AGBL4: variants seen among roughly 807,000 people sequenced by gnomAD.
The protein encoded by AGBL4 is cytosolic carboxypeptidase 6.
In AGBL4, 58 loss-of-function variants were observed where a neutral mutation model predicts 66.4. The observed-to-expected ratio is 0.87, with a 90% confidence interval of 0.71 to 1.09. The LOEUF is 1.09. AGBL4 is among the 50% of genes least tolerant of loss of function. The pLI is 0.00. For synonymous variants in AGBL4, 234 were observed against 222.9 expected (o/e 1.05, Z -0.44); for missense variants, 579 against 631.0 (o/e 0.92, Z 0.88).
At chr1:49,998,772 GTTTAACA>G (rs1572034915) in intron 1 of AGBL4, among the ~76,000 whole-genome samples, 1 of 152,140 alleles carries the variant, frequency 6.6e-6, no homozygotes, top group African/African-American at 2.4e-5. Context: ...TGCAGGGATG[GTTTAACA>G]TATGCAAGTC....
At chr1:49,507,328 G>C (rs955597222) in intron 3 of AGBL4, among the ~76,000 whole-genome samples, 4 of 151,928 alleles carry the variant, frequency 2.6e-5, no homozygotes, top group Admixed American at 6.6e-5. Flanking sequence ...CCACAAGAGA[G>C]AGCCAAATTG....
intron 3 of AGBL4, among the ~76,000 whole-genome samples, chr1:49,333,881 C>A (rs1300845211): frequency 1.3e-5 from 2 of 152,096 alleles, no homozygotes; most frequent in African/African-American, 4.8e-5. Context: ...ATTTATAAAA[C>A]CCTATCATAA....
intron 3 of AGBL4, among the ~76,000 whole-genome samples, chr1:49,341,687 T>C (rs7545634): frequency 0.017 from 2,554 of 152,266 alleles, 78 homozygotes; most frequent in African/African-American, 0.059. Context: ...TGCAGGATCA[T>C]AGGACGTGAG....
chr1:48,612,527 C>G (rs560810852), intron 9 of AGBL4, among the ~76,000 whole-genome samples: 2 of 152,212 alleles, frequency 1.3e-5, no homozygotes, highest in Non-Finnish European at 2.9e-5. Flanking sequence ...TACAGTCTTA[C>G]AGCCAAGGCC....
chr1:49,183,996 G>A (rs2148191763), intron 4 of AGBL4, among the ~76,000 whole-genome samples: 1 of 152,176 alleles, frequency 6.6e-6, no homozygotes, highest in East Asian at 1.9e-4. Flanking sequence ...TGAAACTGAG[G>A]CCCAGAAAGG....
chr1:49,303,845 C>T (rs1017598306), intron 3 of AGBL4, among the ~76,000 whole-genome samples: 11 of 151,822 alleles, frequency 7.2e-5, no homozygotes, highest in East Asian at 3.9e-4. Context: ...GGTTTTTTCT[C>T]GTAAATTTAA....
At chr1:48,758,828 C>A (rs1644093224) in intron 6 of AGBL4, 1 of 1,362,480 alleles carries the variant, frequency 7.3e-7, no homozygotes, top group Non-Finnish European at 9.8e-7. Flanking sequence ...CTCCCCTTTC[C>A]CTTCCTGGAA....
chr1:48,722,211 C>T (rs1229471962), intron 6 of AGBL4, among the ~76,000 whole-genome samples: 3 of 152,100 alleles, frequency 2.0e-5, no homozygotes, highest in South Asian at 2.1e-4. Flanking sequence ...AAGAAGATCT[C>T]GACCAGCTGA....
intron 2 of AGBL4, among the ~76,000 whole-genome samples, chr1:49,783,283 A>G (rs1478088171): frequency 6.6e-6 from 1 of 152,214 alleles, no homozygotes; most frequent in Non-Finnish European, 1.5e-5. Flanking sequence ...ATCATTAACA[A>G]AACACTAGCA....
At chr1:49,590,523 G>C (rs565405977) in intron 3 of AGBL4, among the ~76,000 whole-genome samples, 3 of 151,900 alleles carry the variant, frequency 2.0e-5, no homozygotes, top group Non-Finnish European at 4.4e-5. Context: ...GTTGTCTCGA[G>C]GTAGAAAACA....
intron 1 of AGBL4, among the ~76,000 whole-genome samples, chr1:49,940,814 C>T (rs899926360): frequency 6.6e-6 from 1 of 151,752 alleles, no homozygotes; most frequent in Non-Finnish European, 1.5e-5. Context: ...AACTAACCTG[C>T]ACATTGTGCA....
intron 3 of AGBL4, among the ~76,000 whole-genome samples, chr1:49,329,444 T>C (rs1041124227): frequency 6.6e-6 from 1 of 152,068 alleles, no homozygotes; most frequent in African/African-American, 2.4e-5. Context: ...GGCGGGTGGA[T>C]TGCTTGAGAT....
intron 8 of AGBL4, among the ~76,000 whole-genome samples, chr1:48,636,010 T>G (rs964461874): frequency 1.3e-5 from 2 of 152,234 alleles, no homozygotes; most frequent in Non-Finnish European, 2.9e-5. Flanking sequence ...CCCCCATAAT[T>G]CATTTAGCAT....
intron 4 of AGBL4, among the ~76,000 whole-genome samples, chr1:49,129,721 C>T (rs1267803908): frequency 6.6e-6 from 1 of 152,090 alleles, no homozygotes; most frequent in Non-Finnish European, 1.5e-5. Flanking sequence ...CATTGTTGGA[C>T]ATTTGGGTTG....
At chr1:48,807,167 A>G (rs781223586) in intron 6 of AGBL4, among the ~76,000 whole-genome samples, 3 of 152,054 alleles carry the variant, frequency 2.0e-5, no homozygotes, top group Non-Finnish European at 4.4e-5. Context: ...GCTTTCTTCT[A>G]TGTTGTTCAT....
At chr1:49,372,161 G>A (rs1463361949) in intron 3 of AGBL4, among the ~76,000 whole-genome samples, 2 of 152,000 alleles carry the variant, frequency 1.3e-5, no homozygotes, top group South Asian at 2.1e-4. Flanking sequence ...AATGAGCAAT[G>A]TTTTCCATTT....
intron 3 of AGBL4, among the ~76,000 whole-genome samples, chr1:49,693,716 TA>T (rs992291378): frequency 1.3e-5 from 2 of 151,978 alleles, no homozygotes; most frequent in African/African-American, 4.8e-5. Context: ...TTCAAAAAGA[TA>T]AAAAAATACA....
At chr1:49,889,720 G>A (rs757237781) in intron 1 of AGBL4, among the ~76,000 whole-genome samples, 8 of 148,584 alleles carry the variant, frequency 5.4e-5, no homozygotes, top group African/African-American at 7.8e-5. Context: ...CCGCACCACT[G>A]CACTCCAGCC....
intron 1 of AGBL4, among the ~76,000 whole-genome samples, chr1:49,945,080 A>C (rs1427792136): frequency 1.3e-5 from 2 of 152,144 alleles, no homozygotes; most frequent in East Asian, 3.9e-4. Flanking sequence ...TAAATGACCA[A>C]ACCTAAGAAT....
Sources: gnomAD v4.1 joint callset for allele counts (sites outside exome capture counted in the v4.1 genomes callset) on GRCh38, gnomAD v4.1.1 for gene constraint, MANE v1.5 for transcripts, NCBI Gene and HGNC (gene_info 2026-07-23, HGNC 2026-07-21) for gene names.